Variants in HYDIN observed in about 807,000 individuals in gnomAD.
The protein encoded by HYDIN is axonemal central pair apparatus protein HYDIN.
In HYDIN, 132 loss-of-function variants were observed where a neutral mutation model predicts 403.9. The ratio of observed to expected loss-of-function variants is 0.33; its 90% CI spans 0.28 to 0.38. HYDIN has a LOEUF of 0.38. HYDIN is among the 10% of genes least tolerant of loss of function. The pLI is 1.00. For synonymous variants in HYDIN, 1,202 were observed against 1,891.7 expected, an observed-to-expected ratio of 0.64 and a Z score of 9.46; for missense variants, 2,827 against 5,009.5, an observed-to-expected ratio of 0.56 and a Z score of 13.15.
chr16:70,969,442 T>A (rs1052732812), intron 36 of HYDIN, among the ~76,000 whole-genome samples: 1 of 152,166 alleles, frequency 6.6e-6, no homozygotes, highest in African/African-American at 2.4e-5. Flanking sequence ...TGACATTGGA[T>A]TTCTCATTAG....
Position 70,951,275 on chromosome 16 carries a change from AGAGAGG to A in HYDIN, c.6531+1140_6531+1145del, listed in dbSNP as rs1262406847. ...GAGAGAGAGAGAGAGAGAGAGAGAG[AGAGAGG>A]GAGAGAGGGAGAGAGAGAGAGAGAA... On this transcript the variant is annotated intron_variant, in intron 41 of 85. Transcript: ENST00000393567. Among the ~76,000 whole-genome samples the A allele has an allele frequency of 2.3e-3, 348 of 150,268 alleles. 5 individuals are homozygous for A. Among genetic ancestry groups the A allele is most frequent in the African/African-American group, 8.0e-3 (320 of 40,238 alleles).
chr16:70,911,861 T>G (rs1597300621), intron 47 of HYDIN, among the ~76,000 whole-genome samples: 1 of 149,038 alleles, frequency 6.7e-6, no homozygotes, highest in Non-Finnish European at 1.5e-5. Flanking sequence ...TTTTATTTGT[T>G]TTTTTGCAGT....
rs1597366544 is a variant in HYDIN, at chr16:70,937,095, C to A, written c.6996-981G>T. Among the ~76,000 whole-genome samples the A allele has an allele frequency of 4.6e-5, 7 of 152,138 alleles. No individual in the cohort carries two copies. The South Asian group carries it at 1.5e-3, about 32-fold the overall frequency. ...TGTTTCTGGTTGCCATGGCTCTCTGCCCACTGAAGCAAACTCATTTACTTC... is the reference window on the plus strand; with the variant it reads ...TGTTTCTGGTTGCCATGGCTCTCTGACCACTGAAGCAAACTCATTTACTTC... On this transcript the variant is annotated intron_variant, in intron 44 of 85. Transcript: ENST00000393567.
intron 35 of HYDIN, among the ~76,000 whole-genome samples, chr16:70,971,060 A>G (rs2078718246): frequency 6.6e-6 from 1 of 152,092 alleles, no homozygotes; most frequent in Non-Finnish European, 1.5e-5. Context: ...CATCCCTCAA[A>G]TCTTCCAGTG....
Position 70,955,649 on chromosome 16 carries a change from C to T in HYDIN, c.6143-101G>A. The T allele has an allele frequency of 5.2e-6, 3 of 575,248 alleles. No individual in the cohort carries two copies. The South Asian group carries it at 6.2e-5, about 12-fold the overall frequency. 35.6% of individuals were successfully genotyped at this position (575,248 alleles called of 1,614,324 possible). On this transcript the variant is annotated intron_variant, in intron 39 of 85. Transcript: ENST00000393567. ...CAGAGGTCCCTGCAAAGTGATCTCTCTGAGTGCTCTGCCTCCTTCCCATGT... is the reference window on the plus strand; with the variant it reads ...CAGAGGTCCCTGCAAAGTGATCTCTTTGAGTGCTCTGCCTCCTTCCCATGT...
intron 71 of HYDIN, 107 bp from the exon 72 acceptor site, chr16:70,857,977 G>A (rs2039135708): frequency 8.6e-7 from 1 of 1,157,544 alleles, no homozygotes; most frequent in Admixed American, 2.9e-5. Flanking sequence ...GATGTTACCA[G>A]GCTATTGCTA....
Position 70,829,621 on chromosome 16 carries a change from G to C in HYDIN, c.14109C>G (p.His4703Gln). 2.5e-6 allele frequency: 4 copies of C among 1,612,726 alleles called. No individual in the cohort carries two copies. The highest frequency in any genetic ancestry group is 3.4e-6 in the Non-Finnish European group (4 of 1,179,552). The change falls in exon 81 of 86, where the codon CAC (histidine) becomes CAG (glutamine). Residue 4703 changes from histidine (H) to glutamine (Q), a missense_variant. His to Gln is a conservative substitution (Grantham distance 24). Coordinates refer to ENST00000393567, the MANE Select transcript of HYDIN (RefSeq NM_001270974.2). ...GGGTGGGGGGACCTCAGTCTACCTG[G>C]TGCTTGCGGTTCTCCAAGTTCATGG... ...PRTMNLENRK[H>Q]QGTLFFPLPD...
At chr16:70,918,076 C>T (rs531631935) in intron 47 of HYDIN, 135 bp downstream of exon 47, 36 of 455,302 alleles carry the variant, frequency 7.9e-5, no homozygotes, top group African/African-American at 5.1e-4. Context: ...GGATCCCCAA[C>T]GAGTCAAGGG....
Position 70,807,459 on chromosome 16 carries a change from G to A in HYDIN, c.*121C>T. 1 of 1,075,310 alleles carries A rather than the reference G, an allele frequency of 9.3e-7. No homozygotes were observed. Among genetic ancestry groups the A allele is most frequent in the South Asian group, 1.6e-5 (1 of 63,056 alleles). The allele number at this position is 1,075,310 out of a possible 1,614,324, so 66.6% of individuals were successfully genotyped here. On this transcript the variant is annotated 3_prime_UTR_variant, in exon 86 of 86. Transcript: ENST00000393567. ...GAAAACACATAATAGGGAAATAACT[G>A]CCCTATAATTGTATGAGAAGAATAA...
intron 13 of HYDIN, among the ~76,000 whole-genome samples, chr16:71,078,752 C>T (rs374027296): frequency 3.9e-5 from 6 of 152,250 alleles, no homozygotes; most frequent in Non-Finnish European, 5.9e-5. Context: ...GCAATCCTCC[C>T]GCCTCGCCCT....
rs2079908363 is a variant in HYDIN at position 71,007,000 on chromosome 16, T to C, written c.3644+11129A>G. On this transcript the variant is annotated intron_variant, in intron 23 of 85. Transcript: ENST00000393567. ...CTTTCTCTCCCTCTCTCCCTGTCTC[T>C]TCCCTCCCTCCCTCCCTCCCTTCCT... Among the ~76,000 whole-genome samples, 4 of 149,412 alleles carry C rather than the reference T, an allele frequency of 2.7e-5. No individual in the cohort carries two copies. The South Asian group carries it at 8.7e-4, about 32-fold the overall frequency.
At chr16:71,067,671 T>C (rs1214115588) in intron 14 of HYDIN, among the ~76,000 whole-genome samples, 1 of 151,968 alleles carries the variant, frequency 6.6e-6, no homozygotes, top group Non-Finnish European at 1.5e-5. Flanking sequence ...AGGGGAAAAA[T>C]GAGCATGAAC....
intron 45 of HYDIN, among the ~76,000 whole-genome samples, chr16:70,931,235 T>TTA (rs1555575214): frequency 4.5e-5 from 6 of 133,504 alleles, no homozygotes; most frequent in African/African-American, 1.1e-4. Flanking sequence ...TTTTTTTTTT[T>TTA]AATACAGGGT....
intron 15 of HYDIN, 160 bp downstream of exon 15, chr16:71,067,130 T>A (rs1160914548): frequency 5.0e-6 from 3 of 595,996 alleles, no homozygotes; most frequent in Admixed American, 6.0e-5. Flanking sequence ...TTAGAAACAT[T>A]TGCTGCTTTG....
At chr16:71,184,815 G>C (rs777005638) in intron 3 of HYDIN, 50 bp downstream of exon 3, 1 of 1,491,272 alleles carries the variant, frequency 6.7e-7, no homozygotes, top group East Asian at 2.4e-5. Flanking sequence ...TGGAATTTTG[G>C]TGTTGTGCCA....
intron 83 of HYDIN, 93 bp from the exon 84 acceptor site, chr16:70,818,665 G>T: frequency 1.3e-5 from 8 of 615,466 alleles, no homozygotes; most frequent in Non-Finnish European, 2.3e-5. Flanking sequence ...CTCTTTTTTA[G>T]CATTGTTTGG....
intron 10 of HYDIN, among the ~76,000 whole-genome samples, chr16:71,112,785 G>A: frequency 6.6e-6 from 1 of 152,194 alleles, no homozygotes; most frequent in East Asian, 1.9e-4. Context: ...GTTAGAGGGA[G>A]AAGGCTAGTG....
At chr16:70,850,248 C>A (rs1352691219) in intron 74 of HYDIN, among the ~76,000 whole-genome samples, 200 bp downstream of exon 74, 8 of 103,058 alleles carry the variant, frequency 7.8e-5, no homozygotes, top group African/African-American at 3.4e-4. Context: ...ATCTCTCCAC[C>A]CCCCCCTGAA....
At position 71,059,041 on chromosome 16, in the gene HYDIN, C is replaced by T. The variant is rs150470367; in HGVS notation, c.2529+1463G>A. On this transcript the variant is annotated intron_variant, in intron 18 of 85. Transcript: ENST00000393567. ...TATAACATAGAAAATATGCGTTAATCGACTGTTATTGGAAAGGCTTCTGGT... is the reference window on the plus strand; with the variant it reads ...TATAACATAGAAAATATGCGTTAATTGACTGTTATTGGAAAGGCTTCTGGT... Among the ~76,000 whole-genome samples, 1,478 of 152,262 alleles carry T rather than the reference C, an allele frequency of 9.7e-3. 7 individuals carry two copies. The highest frequency in any genetic ancestry group is 0.015 in the Non-Finnish European group (1,023 of 68,022).
Sources: gnomAD v4.1 joint callset for allele counts (sites outside exome capture counted in the v4.1 genomes callset) on GRCh38, gnomAD v4.1.1 for gene constraint, MANE v1.5 for transcripts, NCBI Gene and HGNC (gene_info 2026-07-23, HGNC 2026-07-21) for gene names.